The following COL4A1 variants were observed in gnomAD, a reference collection of about 807,000 sequenced individuals.
COL4A1 encodes the protein collagen alpha-1(IV) chain.
Under a neutral mutation model 216.6 loss-of-function variants are expected in COL4A1, and 40 were observed. That is an observed-to-expected ratio of 0.18 (90% CI 0.14 to 0.24). The LOEUF (loss-of-function observed/expected upper bound fraction) is 0.24. Ranked by LOEUF, COL4A1 falls within the 10% of genes least tolerant of loss-of-function variation. The probability of loss-of-function intolerance (pLI) is 1.00; values close to 1 mark genes in which losing one functional copy is unlikely to be tolerated. For missense variants in COL4A1, 1,628 were observed against 2,196.8 expected (o/e 0.74, Z 5.18); for synonymous variants, 839 against 810.7 (o/e 1.03, Z -0.59).
At chr13:110,231,717 T>C (rs1397008469) in intron 2 of COL4A1, among the ~76,000 whole-genome samples, 1 of 152,162 alleles carries the variant, frequency 6.6e-6, no homozygotes, top group Non-Finnish European at 1.5e-5. Flanking sequence ...GGACATTGGT[T>C]CTCCAGCTCA....
intron 1 of COL4A1, among the ~76,000 whole-genome samples, chr13:110,243,701 C>A (rs557757573): frequency 9.2e-5 from 14 of 152,342 alleles, no homozygotes; most frequent in African/African-American, 2.6e-4. Context: ...GGAAAGGAAG[C>A]AAGCTACCAC....
intron 24 of COL4A1, 113 bp downstream of exon 24, chr13:110,192,101 C>T: frequency 1.8e-6 from 2 of 1,096,718 alleles, no homozygotes; most frequent in Non-Finnish European, 2.8e-6. Flanking sequence ...GCAACACTTA[C>T]CAGCTCCCAC....
At chr13:110,272,575 AG>A (rs869307393) in intron 1 of COL4A1, among the ~76,000 whole-genome samples, 10 of 151,630 alleles carry the variant, frequency 6.6e-5, no homozygotes, top group South Asian at 6.3e-4. Context: ...CCCCTCTAAA[AG>A]AAAAGGGGGG....
intron 18 of COL4A1, among the ~76,000 whole-genome samples, chr13:110,202,474 G>C (rs1459664621): frequency 6.6e-6 from 1 of 152,052 alleles, no homozygotes; most frequent in Admixed American, 6.5e-5. Context: ...CATCCCACAA[G>C]TTATATATAT....
chr13:110,219,852 A>ATGTG lies in COL4A1; in HGVS notation c.145-5838_145-5837insCACA, dbSNP rs1566385784. 8.3e-4 allele frequency among the ~76,000 whole-genome samples: 74 copies of ATGTG among 89,234 alleles called. 1 individual carries two copies. Among genetic ancestry groups the ATGTG allele is most frequent in the South Asian group, 2.0e-3 (6 of 3,020 alleles). 58.5% of individuals were successfully genotyped at this position (89,234 alleles called of 152,430 possible). A position where few individuals can be genotyped will look rare whatever the true frequency, so the allele number is the denominator to read the frequency against. ...TGTATGTATGTATATATGTGTATATATATGTATATATGTGTGTGTATATAT... is the reference window on the plus strand; with the variant it reads ...TGTATGTATGTATATATGTGTATATATGTGTATGTATATATGTGTGTGTATATAT... On this transcript the variant is annotated intron_variant, in intron 2 of 51. Coordinates refer to ENST00000375820, the MANE Select transcript of COL4A1 (RefSeq NM_001845.6).
At position 110,249,442 on chromosome 13, in the gene COL4A1, G is replaced by A. The variant is rs549077111; in HGVS notation, c.85-6708C>T. On this transcript the variant is annotated intron_variant, in intron 1 of 51. Coordinates refer to ENST00000375820, the MANE Select transcript of COL4A1 (RefSeq NM_001845.6). Reference sequence around the variant, plus strand: ...CTGAGAAACGATGGGGTATATTCACGGAAGGGAGTCCCCGGCCACACCAGG... The same window carrying A: ...CTGAGAAACGATGGGGTATATTCACAGAAGGGAGTCCCCGGCCACACCAGG... Among the ~76,000 whole-genome samples, 28 of 152,260 alleles carry A rather than the reference G, an allele frequency of 1.8e-4. No homozygotes were observed. The East Asian group carries it at 4.8e-3, about 26-fold the overall frequency.
intron 2 of COL4A1, among the ~76,000 whole-genome samples, chr13:110,216,503 A>G (rs1450320442): frequency 3.9e-5 from 6 of 152,370 alleles, no homozygotes; most frequent in Admixed American, 1.3e-4. Context: ...AGGTCCATGT[A>G]GAAGCTTTCT....
At chr13:110,182,637 C>G (rs1298556433) in intron 28 of COL4A1, among the ~76,000 whole-genome samples, 2 of 152,228 alleles carry the variant, frequency 1.3e-5, no homozygotes, top group African/African-American at 2.4e-5. Flanking sequence ...TGCACCTCCC[C>G]CTGGGCGCTC....
At chr13:110,230,385 A>C (rs1880978408) in intron 2 of COL4A1, among the ~76,000 whole-genome samples, 1 of 152,156 alleles carries the variant, frequency 6.6e-6, no homozygotes, top group South Asian at 2.1e-4. Context: ...CACAGGTGGC[A>C]GGCGCGGGTC....
At chr13:110,296,775 T>C (rs958315907) in intron 1 of COL4A1, among the ~76,000 whole-genome samples, 1 of 152,218 alleles carries the variant, frequency 6.6e-6, no homozygotes, top group Non-Finnish European at 1.5e-5. Flanking sequence ...CTTCTGTCCA[T>C]TGGTTATAAA....
At chr13:110,189,806 T>G (rs3783106) in intron 24 of COL4A1, among the ~76,000 whole-genome samples, 89,762 of 151,418 alleles carry the variant, frequency 0.59, 26,739 homozygotes, top group Middle Eastern at 0.7. Flanking sequence ...TGTAAATCAC[T>G]TTGCTTCATT....
Position 110,170,626 on chromosome 13 carries a change from C to T in COL4A1, c.3663G>A (p.Pro1221=), listed in dbSNP as rs371631013. ...FMGPPGPQGQ[P]GLPGSPGHAT... is the part of the protein sequence containing the mutation. ...CATGGCCTGGGGATCCCGGTAACCC[C>T]GGCTGTCCCTGGGGCCCCGGAGGAC... Residue 1221 remains proline (P), a synonymous_variant, in exon 42 of 52, where the codon CCG becomes CCA. Coordinates refer to ENST00000375820, the MANE Select transcript of COL4A1 (RefSeq NM_001845.6). The T allele has an allele frequency of 1.3e-5, 21 of 1,612,702 alleles. No homozygotes were observed. In the Admixed American group the frequency reaches 1.5e-4, roughly 12 times the overall value.
chr13:110,180,366 C>A (rs1407279073), intron 29 of COL4A1, among the ~76,000 whole-genome samples: 2 of 152,338 alleles, frequency 1.3e-5, no homozygotes, highest in Non-Finnish European at 2.9e-5. Flanking sequence ...CCAAAGGTTT[C>A]TCTTCTGCCT....
chr13:110,235,119 C>T (rs1459266991), intron 2 of COL4A1, among the ~76,000 whole-genome samples: 2 of 152,190 alleles, frequency 1.3e-5, no homozygotes, highest in African/African-American at 4.8e-5. Flanking sequence ...AAATCTGGCA[C>T]AGTGCGTCTC....
intron 18 of COL4A1, among the ~76,000 whole-genome samples, chr13:110,202,644 A>T (rs1370216903): frequency 6.6e-6 from 1 of 152,190 alleles, no homozygotes; most frequent in African/African-American, 2.4e-5. Flanking sequence ...TAACATTTTC[A>T]TTATTTCAAA....
chr13:110,218,392 C>T (rs1250246958), intron 2 of COL4A1, among the ~76,000 whole-genome samples: 1 of 152,160 alleles, frequency 6.6e-6, no homozygotes, highest in Non-Finnish European at 1.5e-5. Flanking sequence ...GGGTTTGGTA[C>T]TGAGCACTGA....
At chr13:110,235,451 C>A (rs1046083788) in intron 2 of COL4A1, among the ~76,000 whole-genome samples, 10 of 151,866 alleles carry the variant, frequency 6.6e-5, no homozygotes, top group Admixed American at 5.2e-4. Context: ...GAGATCGAGA[C>A]CTTCCTGGCT....
At chr13:110,257,597 G>A (rs1292029795) in intron 1 of COL4A1, among the ~76,000 whole-genome samples, 2 of 152,184 alleles carry the variant, frequency 1.3e-5, no homozygotes, top group Non-Finnish European at 2.9e-5. Context: ...GTGGCAGAGG[G>A]TGCCAAGAGC....
intron 1 of COL4A1, among the ~76,000 whole-genome samples, chr13:110,294,947 C>G (rs1884211742): frequency 6.6e-6 from 1 of 152,102 alleles, no homozygotes; most frequent in African/African-American, 2.4e-5. Context: ...CACACATGGT[C>G]TACTTATGTA....
Sources: gnomAD v4.1 joint callset for allele counts (sites outside exome capture counted in the v4.1 genomes callset) on GRCh38, gnomAD v4.1.1 for gene constraint, MANE v1.5 for transcripts, NCBI Gene and HGNC (gene_info 2026-07-23, HGNC 2026-07-21) for gene names.